The following ID1 variants were observed in gnomAD, a reference collection of about 807,000 sequenced individuals.
The protein encoded by ID1 is inhibitor of DNA binding 1.
ID1 carries 8 observed loss-of-function variants against 11.3 expected under a neutral mutation model. That is an observed-to-expected ratio of 0.71 (90% CI 0.42 to 1.28). The LOEUF (loss-of-function observed/expected upper bound fraction) is 1.28, where lower values mean the gene tolerates loss of function less well. Ranked by LOEUF, ID1 falls within the 50% of genes most tolerant of loss-of-function variation. The pLI is 0.01. For synonymous variants in ID1, 176 were observed against 100.2 expected (o/e 1.76, Z -4.52); for missense variants, 347 against 219.8 (o/e 1.58, Z -3.66).
Position 31,605,792 on chromosome 20 carries a change from G to C in ID1, c.405G>C (p.Glu135Asp), listed in dbSNP as rs770723039. The C allele has an allele frequency of 1.2e-6, 2 of 1,611,464 alleles. No homozygotes were observed. The highest frequency in any genetic ancestry group is 1.7e-6 in the Non-Finnish European group (2 of 1,178,964). ...CTCCGCTCAGCACCCTCAACGGCGA[G>C]ATCAGCGCCCTGACGGCCGAGGTGA... ...VRAPLSTLNG[E>D]ISALTAEAAC... is the part of the protein sequence containing the mutation. Residue 135 changes from glutamate to aspartate, a missense_variant, in exon 1 of 2, where the codon GAG becomes GAC. Physicochemically the swap from Glu to Asp is conservative, Grantham distance 45 (BLOSUM62 2). Transcript: ENST00000376112.
At position 31,606,144 on chromosome 20, in the gene ID1, G is replaced by T. The variant is rs374966633; in HGVS notation, c.*50G>T. 3.2e-6 allele frequency: 5 copies of T among 1,572,540 alleles called. No individual in the cohort carries two copies. In the African/African-American group the frequency reaches 5.4e-5, roughly 17 times the overall value. On this transcript the variant is annotated 3_prime_UTR_variant, in exon 2 of 2. Transcript: ENST00000376112. ...ACCCCAGCCATCCAGGGGGCAAGAG[G>T]AATTACGTGCTCTGTGGGTCTCCCC...
Position 31,606,207 on chromosome 20 carries a change from A to C in ID1, c.*113A>C. 2 of 1,149,438 alleles carry C rather than the reference A, an allele frequency of 1.7e-6. No homozygotes were observed. Among genetic ancestry groups the C allele is most frequent in the Non-Finnish European group, 2.6e-6 (2 of 781,590 alleles). 71.2% of individuals were successfully genotyped at this position (1,149,438 alleles called of 1,614,324 possible). A position where few individuals can be genotyped will look rare whatever the true frequency, so the allele number is the denominator to read the frequency against. On this transcript the variant is annotated 3_prime_UTR_variant, in exon 2 of 2. Coordinates refer to ENST00000376112, the MANE Select transcript of ID1 (RefSeq NM_002165.4). ...CCGGATCTGAGGGAGAACAAGACCG[A>C]TCGGCGGCCACTGCGCCCTTAACTG... is the stretch of plus-strand genomic sequence containing the variant.
Position 31,605,459 on chromosome 20 carries a change from A to G in ID1, c.72A>G (p.Thr24=), listed in dbSNP as rs1986055030. 2 of 1,608,942 alleles carry G rather than the reference A, an allele frequency of 1.2e-6. No homozygotes were observed. The highest frequency in any genetic ancestry group is 1.3e-5 in the African/African-American group (1 of 74,744). The change falls in exon 1 of 2, where the codon ACA becomes ACG. Residue 24 remains threonine, a synonymous_variant. Coordinates refer to ENST00000376112, the MANE Select transcript of ID1 (RefSeq NM_002165.4). ...GCTGCGCGCTGAAGGCCGGCAAGAC[A>G]GCGAGCGGTGCGGGCGAGGTGGTGC... ...GPSCALKAGK[T]ASGAGEVVRC...
In ID1 at chr20:31,605,571, G is replaced by A; in HGVS notation, c.184G>A (p.Val62Ile). 1 of 1,561,026 alleles carries A rather than the reference G, an allele frequency of 6.4e-7. No homozygotes were observed. The highest frequency in any genetic ancestry group is 8.7e-7 in the Non-Finnish European group (1 of 1,151,834). ...GCCTGCCCTGCTGGACGAGCAGCAG[G>A]TAAACGTGCTGCTCTACGACATGAA... ...RLPALLDEQQ[V>I]NVLLYDMNGC... The change falls in exon 1 of 2, where the codon GTA becomes ATA. Residue 62 changes from valine to isoleucine, a missense_variant. Transcript: ENST00000376112.
rs371908862 is a variant in ID1, at chr20:31,605,881, G to A, written c.426+68G>A. On this transcript the variant is annotated intron_variant, in intron 1 of 1. Transcript: ENST00000376112. ...GGGAAACGGAGGCCAGAGAGGGCGT[G>A]GGCGCTTGCACCACTTCCGTCCCAT... The A allele has an allele frequency of 4.5e-5, 72 of 1,586,932 alleles. 4 individuals are homozygous for A. Among genetic ancestry groups the A allele is most frequent in the Admixed American group, 3.1e-4 (18 of 57,384 alleles).
In ID1 at chr20:31,606,215, C is replaced by T; in HGVS notation, c.*121C>T. Reference sequence around the variant, plus strand: ...GAGGGAGAACAAGACCGATCGGCGGCCACTGCGCCCTTAACTGCATCCAGC... The same window carrying T: ...GAGGGAGAACAAGACCGATCGGCGGTCACTGCGCCCTTAACTGCATCCAGC... On this transcript the variant is annotated 3_prime_UTR_variant, in exon 2 of 2. Coordinates refer to ENST00000376112, the MANE Select transcript of ID1 (RefSeq NM_002165.4). The T allele has an allele frequency of 9.5e-7, 1 of 1,054,230 alleles. No homozygotes were observed. The highest frequency in any genetic ancestry group is 1.4e-6 in the Non-Finnish European group (1 of 698,148). 65.3% of individuals were successfully genotyped at this position (1,054,230 alleles called of 1,614,324 possible).
Position 31,605,497 on chromosome 20 carries a change from A to G in ID1, c.110A>G (p.Glu37Gly). The G allele has an allele frequency of 6.2e-7, 1 of 1,601,652 alleles. No homozygotes were observed. Among genetic ancestry groups the G allele is most frequent in the South Asian group, 1.1e-5 (1 of 90,162 alleles). The change falls in exon 1 of 2, where the codon GAG becomes GGG. Residue 37 changes from glutamate to glycine, a missense_variant. Glu to Gly is a moderately conservative substitution (Grantham distance 98). Transcript: ENST00000376112. ...GAGEVVRCLSEQSVAISRCAG... is the reference protein window; with the variant it reads ...GAGEVVRCLSGQSVAISRCAG... The stretch of plus-strand genomic sequence containing the variant: ...GGCGAGGTGGTGCGCTGTCTGTCTG[A>G]GCAGAGCGTGGCCATCTCGCGCTGC...
At chr20:31,605,913 G>C in intron 1 of ID1, 100 bp downstream of exon 1, 1 of 1,582,254 alleles carries the variant, frequency 6.3e-7, no homozygotes, top group Non-Finnish European at 8.6e-7. Context: ...CCATCCTTGC[G>C]GGTACCTGGC....
chr20:31,605,348 T>C lies in ID1; in HGVS notation c.-40T>C, dbSNP rs1485674140. The C allele has an allele frequency of 6.4e-7, 1 of 1,557,728 alleles. No individual in the cohort carries two copies. Among genetic ancestry groups the C allele is most frequent in the South Asian group, 1.1e-5 (1 of 87,852 alleles). ...TGCTTCGGGCTTCCACCTCATTTTT[T>C]TCGCTTTGCCCATTCTGTTTCAGCC... On this transcript the variant is annotated 5_prime_UTR_variant, in exon 1 of 2. Transcript: ENST00000376112.
In ID1 at chr20:31,606,114, G is replaced by A. The variant is rs1339709121; in HGVS notation, c.*20G>A. 1.9e-6 allele frequency: 3 copies of A among 1,606,230 alleles called. No homozygotes were observed. Among genetic ancestry groups the A allele is most frequent in the East Asian group, 2.2e-5 (1 of 44,862 alleles). Reference sequence around the variant, plus strand: ...CGCTGAAGCGCCTCCCCCAGGGACCGGCGGACCCCAGCCATCCAGGGGGCA... The same window carrying A: ...CGCTGAAGCGCCTCCCCCAGGGACCAGCGGACCCCAGCCATCCAGGGGGCA... On this transcript the variant is annotated 3_prime_UTR_variant, in exon 2 of 2. Transcript: ENST00000376112.
rs182605830 is a variant in ID1, at chr20:31,605,397, G to T, written c.10G>T (p.Ala4Ser). ...CCAGTCGCCAAGAATCATGAAAGTCGCCAGTGGCAGCACCGCCACCGCCGC... is the reference window on the plus strand; with the variant it reads ...CCAGTCGCCAAGAATCATGAAAGTCTCCAGTGGCAGCACCGCCACCGCCGC... MKV[A>S]SGSTATAAAG... Residue 4 changes from alanine to serine, a missense_variant, in exon 1 of 2, where the codon GCC (alanine) becomes TCC (serine). Ala to Ser is a moderately conservative substitution (Grantham distance 99, BLOSUM62 1). Transcript: ENST00000376112. 25 of 1,599,826 alleles carry T rather than the reference G, an allele frequency of 1.6e-5. No individual in the cohort carries two copies. The highest frequency in any genetic ancestry group is 2.0e-5 in the Non-Finnish European group (23 of 1,177,376).
chr20:31,605,525 CG>C lies in ID1; in HGVS notation c.143del (p.Gly48AlafsTer15). 3 of 1,561,032 alleles carry C rather than the reference CG, an allele frequency of 1.9e-6. No individual in the cohort carries two copies. The highest frequency in any genetic ancestry group is 2.6e-6 in the Non-Finnish European group (3 of 1,150,934). On this transcript the variant is annotated frameshift_variant, in exon 1 of 2. Transcript: ENST00000376112. LOFTEE classifies it high-confidence loss of function. ...AGAGCGTGGCCATCTCGCGCTGCGCCGGGGGCGCCGGGGCGCGCCTGCCTGC... is the reference window on the plus strand; with the variant it reads ...AGAGCGTGGCCATCTCGCGCTGCGCCGGGGCGCCGGGGCGCGCCTGCCTGC... ...EQSVAISRCA[G>X]GAGARLPALL...
At position 31,605,357 on chromosome 20, in the gene ID1, C is replaced by G; in HGVS notation, c.-31C>G. ...CTTCCACCTCATTTTTTTCGCTTTGCCCATTCTGTTTCAGCCAGTCGCCAA... is the reference window on the plus strand; with the variant it reads ...CTTCCACCTCATTTTTTTCGCTTTGGCCATTCTGTTTCAGCCAGTCGCCAA... On this transcript the variant is annotated 5_prime_UTR_variant, in exon 1 of 2. Transcript: ENST00000376112. The G allele has an allele frequency of 1.3e-6, 2 of 1,575,942 alleles. No individual in the cohort carries two copies. Among genetic ancestry groups the G allele is most frequent in the East Asian group, 2.3e-5 (1 of 44,014 alleles).
chr20:31,606,001 C>G (rs2122268951), intron 1 of ID1, 52 bp from the exon 2 acceptor site: 5 of 1,610,234 alleles, frequency 3.1e-6, no homozygotes, highest in East Asian at 4.5e-5. Flanking sequence ...TCGCTGCGCT[C>G]GGAGCGGCGT....
Position 31,606,404 on chromosome 20 carries a change from G to A in ID1, c.*310G>A, listed in dbSNP as rs984520653. ...GTTTGGTGCTTCTCAGATTTCTGAG[G>A]AAATTGCTTTGTATTGTATATTACA... On this transcript the variant is annotated 3_prime_UTR_variant, in exon 2 of 2. Transcript: ENST00000376112. 2.4e-5 allele frequency: 12 copies of A among 494,472 alleles called. No individual in the cohort carries two copies. The highest frequency in any genetic ancestry group is 5.9e-5 in the South Asian group (2 of 34,102). 30.6% of individuals were successfully genotyped at this position (494,472 alleles called of 1,614,324 possible).
chr20:31,605,835 T>C, intron 1 of ID1, 22 bp downstream of exon 1: 1 of 1,609,630 alleles, frequency 6.2e-7, no homozygotes, highest in Non-Finnish European at 8.5e-7. Context: ...ATCCGACCAC[T>C]AGATCATCCT....
chr20:31,606,231 T>C lies in ID1; in HGVS notation c.*137T>C. 1 of 895,084 alleles carries C rather than the reference T, an allele frequency of 1.1e-6. No individual in the cohort carries two copies. Among genetic ancestry groups the C allele is most frequent in the Admixed American group, 2.1e-5 (1 of 47,448 alleles). 55.4% of individuals were successfully genotyped at this position (895,084 alleles called of 1,614,324 possible). On this transcript the variant is annotated 3_prime_UTR_variant, in exon 2 of 2. Coordinates refer to ENST00000376112, the MANE Select transcript of ID1 (RefSeq NM_002165.4). ...GATCGGCGGCCACTGCGCCCTTAACTGCATCCAGCCTGGGGCTGAGGCTGA... is the reference window on the plus strand; with the variant it reads ...GATCGGCGGCCACTGCGCCCTTAACCGCATCCAGCCTGGGGCTGAGGCTGA...
rs908567232 is a variant in ID1 at position 31,605,633 on chromosome 20, C to T, written c.246C>T (p.Thr82=). 1.3e-6 allele frequency: 2 copies of T among 1,596,140 alleles called. No homozygotes were observed. The highest frequency in any genetic ancestry group is 8.5e-7 in the Non-Finnish European group (1 of 1,171,674). ...CYSRLKELVP[T]LPQNRKVSKV... ...CACGCCTCAAGGAGCTGGTGCCCACCCTGCCCCAGAACCGCAAGGTGAGCA... is the reference window on the plus strand; with the variant it reads ...CACGCCTCAAGGAGCTGGTGCCCACTCTGCCCCAGAACCGCAAGGTGAGCA... Residue 82 remains threonine (T), a synonymous_variant, in exon 1 of 2, where the codon ACC becomes ACT. Coordinates refer to ENST00000376112, the MANE Select transcript of ID1 (RefSeq NM_002165.4).
intron 1 of ID1, 108 bp from the exon 2 acceptor site, chr20:31,605,945 C>T: frequency 6.3e-7 from 1 of 1,596,036 alleles, no homozygotes; most frequent in Non-Finnish European, 8.5e-7. Flanking sequence ...GCCTAAGGAG[C>T]CTGGAAAAAG....
Sources: gnomAD v4.1 joint callset for allele counts on GRCh38, gnomAD v4.1.1 for gene constraint, MANE v1.5 for transcripts, NCBI Gene and HGNC (gene_info 2026-07-23, HGNC 2026-07-21) for gene names.